POLI: variants seen among roughly 807,000 people sequenced by gnomAD.
The protein encoded by POLI is RAD30 homolog B.
Under a neutral mutation model 51.6 loss-of-function variants are expected in POLI, and 58 were observed. The ratio of observed to expected loss-of-function variants is 1.12; its 90% CI spans 0.91 to 1.40. The LOEUF is 1.40. POLI is among the 40% of genes most tolerant of loss of function. POLI has a pLI of 0.00. For synonymous variants in POLI, 322 were observed against 299.7 expected, an observed-to-expected ratio of 1.07 and a Z score of -0.77; for missense variants, 921 against 871.3, an observed-to-expected ratio of 1.06 and a Z score of -0.72.
In POLI at chr18:54,295,338, T is replaced by C. The variant is rs927209697; in HGVS notation, c.*871T>C. On this transcript the variant is annotated 3_prime_UTR_variant, in exon 10 of 10. Coordinates refer to ENST00000579534, the MANE Select transcript of POLI (RefSeq NM_007195.3). ...CATAACAACCACAAATATAGACCAT[T>C]ACTAAATTGGTGGATGTCCTCTTTC... 10 of 985,040 alleles carry C rather than the reference T, an allele frequency of 1.0e-5. No homozygotes were observed. Among genetic ancestry groups the C allele is most frequent in the Non-Finnish European group, 8.4e-6 (7 of 829,548 alleles). The allele number at this position is 985,040 out of a possible 1,614,324, so 61.0% of individuals were successfully genotyped here. A position where few individuals can be genotyped will look rare whatever the true frequency, so the allele number is the denominator to read the frequency against.
intron 3 of POLI, among the ~76,000 whole-genome samples, chr18:54,308,874 G>A (rs933270782): frequency 8.6e-5 from 13 of 151,966 alleles, no homozygotes; most frequent in African/African-American, 2.2e-4. Flanking sequence ...TGATCGAATC[G>A]GCTACTGAAG....
intron 8 of POLI, among the ~76,000 whole-genome samples, chr18:54,288,673 A>G (rs1457486754): frequency 2.0e-5 from 3 of 151,442 alleles, no homozygotes; most frequent in African/African-American, 7.3e-5. Flanking sequence ...AAAGTGGATA[A>G]TTTGTATTGA....
In POLI at chr18:54,293,986, C is replaced by T; in HGVS notation, c.1742C>T (p.Pro581Leu). Residue 581 changes from proline to leucine, a missense_variant, in exon 10 of 10, where the codon CCC becomes CTC. Physicochemically the swap from Pro to Leu is moderately conservative, Grantham distance 98. Coordinates refer to ENST00000579534, the MANE Select transcript of POLI (RefSeq NM_007195.3). ...FFSKKQMQDI[P>L]INPRDHLSSS... is the part of the protein sequence containing the mutation. Reference sequence around the variant, plus strand: ...TCTAAAAAACAAATGCAAGATATTCCCATAAATCCTAGAGATCATTTATCC... The same window carrying T: ...TCTAAAAAACAAATGCAAGATATTCTCATAAATCCTAGAGATCATTTATCC... 1 of 1,612,958 alleles carries T rather than the reference C, an allele frequency of 6.2e-7. No individual in the cohort carries two copies. Among genetic ancestry groups the T allele is most frequent in the Non-Finnish European group, 8.5e-7 (1 of 1,179,194 alleles).
At chr18:54,273,814 TC>T (rs1227076869) in intron 2 of POLI, 111 bp from the exon 3 acceptor site, 128 of 551,604 alleles carry the variant, frequency 2.3e-4, no homozygotes, top group Non-Finnish European at 3.6e-4. Context: ...GGCTTTTGAT[TC>T]TTATCAAAAC....
chr18:54,282,475 AAAT>A (rs536009637), intron 5 of POLI, among the ~76,000 whole-genome samples: 223 of 152,260 alleles, frequency 1.5e-3, no homozygotes, highest in Non-Finnish European at 2.5e-3. Context: ...TGTGGTCTGA[AAAT>A]AATAAGATAT....
intron 8 of POLI, chr18:54,291,546 C>T: frequency 4.7e-6 from 1 of 214,742 alleles, no homozygotes; most frequent in African/African-American, 2.3e-5. Flanking sequence ...GGTTCATTTC[C>T]AGATTTCCAC....
intron 7 of POLI, chr18:54,284,823 A>G (rs1421642209): frequency 6.6e-6 from 1 of 152,208 alleles, no homozygotes; most frequent in Admixed American, 6.5e-5. Flanking sequence ...TGAAAAGGAA[A>G]TTTAATTTTG....
rs1206099252 is a variant in POLI at position 54,296,529 on chromosome 18, T to G, written c.*2062T>G. ...TATATACTGGCTTCTTCCTGTATCT[T>G]TTAATTCATGTTCTGTAAAATTCTC... On this transcript the variant is annotated 3_prime_UTR_variant, in exon 10 of 10. Transcript: ENST00000579534. 1 of 217,224 alleles carries G rather than the reference T, an allele frequency of 4.6e-6. No homozygotes were observed. The highest frequency in any genetic ancestry group is 1.8e-4 in the East Asian group (1 of 5,506). 13.5% of individuals were successfully genotyped at this position (217,224 alleles called of 1,614,324 possible).
intron 3 of POLI, among the ~76,000 whole-genome samples, chr18:54,314,128 T>C (rs1312033171): frequency 1.3e-5 from 2 of 152,198 alleles, no homozygotes; most frequent in African/African-American, 4.8e-5. Flanking sequence ...GTTCCTTTGA[T>C]GCCTAGTTTG....
At position 54,307,752 on chromosome 18, in the gene POLI, A is replaced by C. The variant is rs547894469; in HGVS notation, c.334-12521A>C. On this transcript the variant is annotated intron_variant, in intron 3 of 4. Transcript: ENST00000579823. The stretch of plus-strand genomic sequence containing the variant: ...TTGTAGATCACTAAGGACTTGCTTT[A>C]TGAATCTGGGTGCTCCTGTATTGGG... Among the ~76,000 whole-genome samples the C allele has an allele frequency of 3.9e-5, 6 of 152,288 alleles. No homozygotes were observed. The South Asian group carries it at 1.2e-3, about 32-fold the overall frequency.
chr18:54,311,253 A>G (rs867978474), intron 3 of POLI, among the ~76,000 whole-genome samples: 5 of 152,184 alleles, frequency 3.3e-5, no homozygotes, highest in Non-Finnish European at 4.4e-5. Context: ...CTCTTGGCAC[A>G]CAAGAGTCTG....
At chr18:54,269,734 G>A in intron 1 of POLI, 73 bp downstream of exon 1, 3 of 1,408,768 alleles carry the variant, frequency 2.1e-6, no homozygotes, top group Non-Finnish European at 1.8e-6. Context: ...GGACGCTCGG[G>A]GCGGCGGCCA....
intron 2 of POLI, among the ~76,000 whole-genome samples, chr18:54,273,389 T>G (rs1362600630): frequency 2.6e-5 from 4 of 151,320 alleles, no homozygotes; most frequent in South Asian, 2.1e-4. Context: ...TTCATCCGTT[T>G]TTTTTTTTTT....
chr18:54,288,373 A>C (rs1293139817), intron 8 of POLI, among the ~76,000 whole-genome samples: 1 of 152,036 alleles, frequency 6.6e-6, no homozygotes, highest in Non-Finnish European at 1.5e-5. Context: ...GTTTAGGTCC[A>C]TTTTGAGTTA....
chr18:54,295,332 G>C lies in POLI; in HGVS notation c.*865G>C. ...GGTTGTCATAACAACCACAAATATA[G>C]ACCATTACTAAATTGGTGGATGTCC... On this transcript the variant is annotated 3_prime_UTR_variant, in exon 10 of 10. Coordinates refer to ENST00000579534, the MANE Select transcript of POLI (RefSeq NM_007195.3). 1.0e-6 allele frequency: 1 copy of C among 984,838 alleles called. No individual in the cohort carries two copies. The highest frequency in any genetic ancestry group is 1.2e-6 in the Non-Finnish European group (1 of 829,416). The allele number at this position is 984,838 out of a possible 1,614,324, so 61.0% of individuals were successfully genotyped here.
At chr18:54,287,944 A>G (rs769511142) in intron 8 of POLI, among the ~76,000 whole-genome samples, 2 of 152,212 alleles carry the variant, frequency 1.3e-5, no homozygotes, top group Non-Finnish European at 2.9e-5. Context: ...ACTGTATAGC[A>G]TGAGATAACT....
At chr18:54,313,627 C>A (rs1379588398) in intron 3 of POLI, among the ~76,000 whole-genome samples, 1 of 152,058 alleles carries the variant, frequency 6.6e-6, no homozygotes, top group African/African-American at 2.4e-5. Context: ...TCTCTGATTT[C>A]TTTGAACAGT....
chr18:54,270,667 G>A (rs200339552), intron 1 of POLI: 30 of 148,360 alleles, frequency 2.0e-4, no homozygotes, highest in African/African-American at 7.9e-4. Context: ...ATATTGTATT[G>A]TATTTTGCCT....
chr18:54,280,348 G>C (rs1027844551), intron 4 of POLI, among the ~76,000 whole-genome samples: 24 of 152,134 alleles, frequency 1.6e-4, no homozygotes, highest in Admixed American at 1.6e-3. Context: ...GAGGTGCCAG[G>C]CTCTTTTAAC....
Sources: gnomAD v4.1 joint callset for allele counts (sites outside exome capture counted in the v4.1 genomes callset) on GRCh38, gnomAD v4.1.1 for gene constraint, MANE v1.5 for transcripts, NCBI Gene and HGNC (gene_info 2026-07-23, HGNC 2026-07-21) for gene names.